GPHN: variants seen among roughly 807,000 people sequenced by gnomAD.
The protein encoded by GPHN is gephyrin.
In GPHN, 17 loss-of-function variants were observed where a neutral mutation model predicts 95.5. The ratio of observed to expected loss-of-function variants is 0.18; its 90% CI spans 0.12 to 0.27. The LOEUF is 0.27. Among genes scored for constraint, GPHN ranks in the 10% least tolerant of loss-of-function variants. The pLI, the probability that GPHN is intolerant of heterozygous loss-of-function variation, is 1.00. For missense variants in GPHN, 660 were observed against 978.1 expected (o/e 0.67, Z 4.34); for synonymous variants, 320 against 322.5 (o/e 0.99, Z 0.08).
Position 67,169,052 on chromosome 14 carries a change from G to T in GPHN, c.2079+16G>T. 1 of 1,498,946 alleles carries T rather than the reference G, an allele frequency of 6.7e-7. No individual in the cohort carries two copies. Among genetic ancestry groups the T allele is most frequent in the Non-Finnish European group, 9.3e-7 (1 of 1,075,746 alleles). The allele number at this position is 1,498,946 out of a possible 1,614,324, so 92.9% of individuals were successfully genotyped here. On this transcript the variant is annotated intron_variant, in intron 21 of 22. Coordinates refer to ENST00000478722, the MANE Select transcript of GPHN (RefSeq NM_020806.5). ...CAAAGCAAGGGTAATGCTTTCTAAT[G>T]ACCAGAAACCAAAATGGAAGCCTGG...
the GPHN span, among the ~76,000 whole-genome samples, chr14:67,369,099 T>C: frequency 1.3e-5 from 2 of 152,140 alleles, no homozygotes; most frequent in African/African-American, 2.4e-5. Context: ...AAGGCAGAGA[T>C]TGTTAGGATG....
chr14:66,794,716 T>C (rs1255802394), intron 3 of GPHN, among the ~76,000 whole-genome samples: 1 of 152,188 alleles, frequency 6.6e-6, no homozygotes, highest in Non-Finnish European at 1.5e-5. Context: ...GCCCAGTAGA[T>C]TGTCTACTTT....
intron 1 of GPHN, among the ~76,000 whole-genome samples, chr14:66,600,998 T>C (rs1401616615): frequency 1.3e-5 from 2 of 152,050 alleles, no homozygotes; most frequent in Non-Finnish European, 2.9e-5. Flanking sequence ...ATTGATCGTA[T>C]TTCTTTGTAT....
chr14:67,347,121 C>T, the GPHN span, among the ~76,000 whole-genome samples: 1 of 152,082 alleles, frequency 6.6e-6, no homozygotes, highest in African/African-American at 2.4e-5. Context: ...GTAGCTGAAA[C>T]TACAGGCACG....
At chr14:67,390,528 A>G in the GPHN span, 2 of 721,696 alleles carry the variant, frequency 2.8e-6, no homozygotes, top group South Asian at 3.1e-5. Context: ...GTGGAAGGAA[A>G]GGCATGGTGC....
At chr14:66,894,665 GA>G (rs1261227798) in intron 5 of GPHN, among the ~76,000 whole-genome samples, 1 of 151,904 alleles carries the variant, frequency 6.6e-6, no homozygotes, top group African/African-American at 2.4e-5. Context: ...AAATTTGCAA[GA>G]AAAAAACAAC....
chr14:66,924,629 C>G (rs2066389784), intron 8 of GPHN, among the ~76,000 whole-genome samples: 1 of 152,094 alleles, frequency 6.6e-6, no homozygotes, highest in East Asian at 1.9e-4. Context: ...TTAAAATTAC[C>G]TCTTAAGAGA....
intron 2 of GPHN, among the ~76,000 whole-genome samples, chr14:66,746,287 T>C (rs1478971416): frequency 2.0e-5 from 3 of 152,230 alleles, no homozygotes; most frequent in African/African-American, 7.2e-5. Context: ...ATTTCAGTAT[T>C]AGGCTCAATC....
rs192685256 is a variant in GPHN, at chr14:66,664,911, G to T, written c.65-16196G>T. On this transcript the variant is annotated intron_variant, in intron 1 of 22. Transcript: ENST00000478722. The stretch of plus-strand genomic sequence containing the variant: ...TGGACATATACACCCTACCAAAAGT[G>T]AACCAGGAAGAAATTGAATCCCTGA... Among the ~76,000 whole-genome samples, 13 of 134,922 alleles carry T rather than the reference G, an allele frequency of 9.6e-5. No homozygotes were observed. In the East Asian group the frequency reaches 2.9e-3, roughly 30 times the overall value. 88.5% of individuals were successfully genotyped at this position (134,922 alleles called of 152,430 possible).
the GPHN span, chr14:67,205,055 A>ACT: frequency 2.6e-6 from 4 of 1,551,628 alleles, no homozygotes; most frequent in South Asian, 3.6e-5. Flanking sequence ...GTGTTTGAAA[A>ACT]CAATGACTTA....
chr14:67,182,303 CA>C (rs757451064), downstream of GPHN, among the ~76,000 whole-genome samples: 1 of 152,108 alleles, frequency 6.6e-6, no homozygotes, highest in Non-Finnish European at 1.5e-5. Context: ...ACTGTATCCA[CA>C]ATGGATCCTT....
chr14:67,135,708 A>G (rs556294990), intron 17 of GPHN, among the ~76,000 whole-genome samples: 6 of 152,104 alleles, frequency 3.9e-5, no homozygotes, highest in South Asian at 4.2e-4. Flanking sequence ...TTTTAAATCA[A>G]TCTTGGCTGG....
At chr14:67,571,715 A>G in the GPHN span, 4 of 1,601,278 alleles carry the variant, frequency 2.5e-6, no homozygotes, top group Non-Finnish European at 3.4e-6. Context: ...ACTGTTTTGC[A>G]GCCTGAGCTG....
chr14:67,031,905 AG>A (rs551746080), intron 10 of GPHN, among the ~76,000 whole-genome samples: 341 of 152,320 alleles, frequency 2.2e-3, no homozygotes, highest in African/African-American at 7.7e-3. Context: ...TCAACATTAT[AG>A]CAGGTATTGC....
the GPHN span, among the ~76,000 whole-genome samples, chr14:67,280,853 T>TTCTTTCCCTCCCTCCC: frequency 2.6e-5 from 2 of 77,610 alleles, no homozygotes; most frequent in African/African-American, 2.0e-4. Flanking sequence ...CCTTCCTTCC[T>TTCTTTCCCTCCCTCCC]TCCCTCCCTC....
In GPHN at chr14:66,744,108, G is replaced by A. The variant is rs546734299; in HGVS notation, c.144-32356G>A. On this transcript the variant is annotated intron_variant, in intron 2 of 22. Transcript: ENST00000478722. ...TAATTAGAATAGCTATATATAATAGGTTGACCAACTGTGTATCTTCTGTAG... is the reference window on the plus strand; with the variant it reads ...TAATTAGAATAGCTATATATAATAGATTGACCAACTGTGTATCTTCTGTAG... Among the ~76,000 whole-genome samples the A allele has an allele frequency of 8.5e-5, 13 of 152,142 alleles. No homozygotes were observed. In the East Asian group the frequency reaches 2.3e-3, roughly 27 times the overall value.
chr14:67,327,585 A>C, the GPHN span, among the ~76,000 whole-genome samples: 8 of 151,892 alleles, frequency 5.3e-5, no homozygotes, highest in Non-Finnish European at 7.4e-5. Context: ...GGTGTGCTGC[A>C]CCCGTTAACT....
the GPHN span, among the ~76,000 whole-genome samples, chr14:67,627,955 T>C: frequency 2.6e-5 from 4 of 152,326 alleles, no homozygotes; most frequent in East Asian, 5.8e-4. Flanking sequence ...CACTCTGATA[T>C]GTATTTGGAA....
chr14:66,976,835 G>C (rs975969416), intron 9 of GPHN, among the ~76,000 whole-genome samples: 12 of 142,534 alleles, frequency 8.4e-5, no homozygotes, highest in African/African-American at 3.2e-4. Context: ...TTCTAATCCA[G>C]TAGGAAAAAG....
Sources: allele counts gnomAD v4.1 joint callset (sites outside exome capture counted in the v4.1 genomes callset), GRCh38; gene constraint gnomAD v4.1.1; transcripts MANE v1.5; gene names NCBI Gene and HGNC (gene_info 2026-07-23, HGNC 2026-07-21).